DTNA: variants seen among roughly 807,000 people sequenced by gnomAD.
DTNA encodes the protein dystrobrevin alpha.
DTNA carries 43 observed loss-of-function variants against 100.7 expected under a neutral mutation model. That is an observed-to-expected ratio of 0.43 (90% CI 0.33 to 0.55). The LOEUF (loss-of-function observed/expected upper bound fraction) is 0.55, where lower values mean the gene tolerates loss of function less well. Ranked by LOEUF, DTNA falls within the 20% of genes least tolerant of loss-of-function variation. The pLI is 0.04. For synonymous variants in DTNA, 349 were observed against 347.9 expected (o/e 1.00, Z -0.04); for missense variants, 798 against 953.9 (o/e 0.84, Z 2.15).
At chr18:34,509,922 A>T (rs763558363) in intron 1 of DTNA, among the ~76,000 whole-genome samples, 2 of 152,100 alleles carry the variant, frequency 1.3e-5, no homozygotes, top group African/African-American at 4.8e-5. Flanking sequence ...AGGAGGAAAA[A>T]CAACTGAAGT....
chr18:34,659,581 T>C (rs1315120751), intron 1 of DTNA, among the ~76,000 whole-genome samples: 3 of 152,050 alleles, frequency 2.0e-5, no homozygotes, highest in South Asian at 4.1e-4. Flanking sequence ...AAGAAATCCA[T>C]ATATATTTCA....
At chr18:34,840,739 C>T (rs771293302) in intron 13 of DTNA, among the ~76,000 whole-genome samples, 2 of 152,106 alleles carry the variant, frequency 1.3e-5, no homozygotes, top group Non-Finnish European at 1.5e-5. Context: ...TAAGGCCAAC[C>T]AATCAATGAA....
chr18:34,874,058 A>G (rs539728847), intron 17 of DTNA, among the ~76,000 whole-genome samples: 10 of 152,274 alleles, frequency 6.6e-5, no homozygotes, highest in African/African-American at 2.2e-4. Context: ...GGCTTTAACA[A>G]TTATGCGTGA....
intron 4 of DTNA, among the ~76,000 whole-genome samples, chr18:34,805,621 G>A (rs140945270): frequency 3.4e-4 from 51 of 152,124 alleles, no homozygotes; most frequent in East Asian, 2.1e-3. Context: ...CACCGTGCTC[G>A]GCCAGAGCTT....
chr18:34,824,932 T>TAAAAA (rs35456039), intron 9 of DTNA, among the ~76,000 whole-genome samples: 17 of 96,848 alleles, frequency 1.8e-4, no homozygotes, highest in African/African-American at 4.1e-4. Flanking sequence ...TTAGATACAG[T>TAAAAA]AAAAAAAAAA....
intron 16 of DTNA, among the ~76,000 whole-genome samples, chr18:34,863,428 A>G (rs1471439198): frequency 1.3e-5 from 2 of 152,224 alleles, no homozygotes; most frequent in African/African-American, 4.8e-5. Flanking sequence ...CTCAAACCCA[A>G]AAATTTAAAT....
chr18:34,515,944 A>G (rs1296659865), intron 1 of DTNA, among the ~76,000 whole-genome samples: 1 of 152,158 alleles, frequency 6.6e-6, no homozygotes, highest in Non-Finnish European at 1.5e-5. Context: ...AAGCTAAACA[A>G]ACTGCTCAAT....
chr18:34,866,218 A>G, intron 17 of DTNA: 1 of 1,613,456 alleles, frequency 6.2e-7, no homozygotes, highest in East Asian at 2.2e-5. Flanking sequence ...GCTCTAATGT[A>G]TGTTCATGCT....
rs1320504182 is a variant in DTNA at position 34,879,688 on chromosome 18, G to A, written c.2131G>A (p.Gly711Arg). The part of the protein sequence containing the change: ...HARKPGYIHS[G>R]ATTSTMRGDM... ...CCGAAAACCTGGGTACATTCACAGT[G>A]GAGCTACCACAAGTACCATGCGTGG... Residue 711 changes from glycine (G) to arginine (R), a missense_variant, in exon 20 of 23, where the codon GGA becomes AGA. Around this residue, in one of 6 missense-constraint regions of DTNA, gnomAD observed 242 missense variants for 238.2 expected, o/e 1.02. Transcript: ENST00000444659. 3.1e-6 allele frequency: 5 copies of A among 1,614,054 alleles called. No homozygotes were observed. The East Asian group carries it at 1.1e-4, about 36-fold the overall frequency.
At chr18:34,775,448 G>A (rs1043046268) in intron 3 of DTNA, among the ~76,000 whole-genome samples, 3 of 151,922 alleles carry the variant, frequency 2.0e-5, no homozygotes, top group Non-Finnish European at 2.9e-5. Flanking sequence ...ATTGCACCAC[G>A]GCACTCCTGG....
intron 1 of DTNA, among the ~76,000 whole-genome samples, chr18:34,541,097 T>C (rs1393557427): frequency 6.6e-6 from 1 of 152,046 alleles, no homozygotes; most frequent in African/African-American, 2.4e-5. Flanking sequence ...AATGGGACTT[T>C]AAAGGCACTG....
At chr18:34,661,644 T>C (rs945548551) in intron 1 of DTNA, among the ~76,000 whole-genome samples, 4 of 152,146 alleles carry the variant, frequency 2.6e-5, no homozygotes, top group Non-Finnish European at 2.9e-5. Flanking sequence ...ACAGGATGAA[T>C]GAACATTCAG....
intron 1 of DTNA, among the ~76,000 whole-genome samples, chr18:34,633,855 A>T: frequency 6.6e-6 from 1 of 152,226 alleles, no homozygotes; most frequent in South Asian, 2.1e-4. Context: ...TAAAACTTCA[A>T]TCAACTGTTT....
intron 2 of DTNA, among the ~76,000 whole-genome samples, chr18:34,763,088 T>C (rs1018218359): frequency 6.6e-6 from 1 of 152,210 alleles, no homozygotes; most frequent in Non-Finnish European, 1.5e-5. Context: ...CATTTTTTCA[T>C]CTGGAGCTTA....
intron 1 of DTNA, among the ~76,000 whole-genome samples, chr18:34,608,869 A>G (rs1009772361): frequency 3.9e-5 from 6 of 152,226 alleles, no homozygotes; most frequent in Non-Finnish European, 8.8e-5. Flanking sequence ...GCTATAGCCA[A>G]GATACCTTCT....
At chr18:34,850,683 T>G (rs570451330) in intron 14 of DTNA, among the ~76,000 whole-genome samples, 5 of 152,172 alleles carry the variant, frequency 3.3e-5, no homozygotes, top group Non-Finnish European at 5.9e-5. Context: ...TTTAAAACAA[T>G]AAAAATTGGT....
chr18:34,666,344 G>T (rs2075922844), intron 1 of DTNA, among the ~76,000 whole-genome samples: 1 of 150,920 alleles, frequency 6.6e-6, no homozygotes, highest in Admixed American at 6.6e-5. Context: ...TGAGTAGATT[G>T]CAAAAATTTT....
At chr18:34,516,987 A>G (rs1368460742) in intron 1 of DTNA, among the ~76,000 whole-genome samples, 1 of 151,494 alleles carries the variant, frequency 6.6e-6, no homozygotes, top group Non-Finnish European at 1.5e-5. Context: ...AATCTTCACA[A>G]TTTATGTTCA....
At chr18:34,545,329 C>T (rs543882678) in intron 1 of DTNA, among the ~76,000 whole-genome samples, 2 of 152,178 alleles carry the variant, frequency 1.3e-5, no homozygotes, top group East Asian at 1.9e-4. Context: ...CTGGGTGTTG[C>T]AGTCAGTGGG....
Sources: allele counts gnomAD v4.1 joint callset (sites outside exome capture counted in the v4.1 genomes callset), GRCh38; gene constraint gnomAD v4.1.1; regional missense constraint gnomAD v4.1.1; transcripts MANE v1.5; gene names NCBI Gene and HGNC (gene_info 2026-07-23, HGNC 2026-07-21).